The following CSMD1 variants were observed in gnomAD, a reference collection of about 807,000 sequenced individuals.
The protein encoded by CSMD1 is CUB and sushi domain-containing protein 1.
In CSMD1, 213 loss-of-function variants were observed where a neutral mutation model predicts 417.5. The ratio of observed to expected loss-of-function variants is 0.51; its 90% CI spans 0.46 to 0.57. The LOEUF is 0.57. Among genes scored for constraint, CSMD1 ranks in the 20% least tolerant of loss-of-function variants. The pLI is 0.00. For missense variants in CSMD1, 6,923 were observed against 4,529.7 expected (o/e 1.53, Z -15.17); for synonymous variants, 2,862 against 1,736.8 (o/e 1.65, Z -16.11).
chr8:4,850,301 C>T (rs908398335), intron 1 of CSMD1, among the ~76,000 whole-genome samples: 1 of 151,842 alleles, frequency 6.6e-6, no homozygotes, highest in African/African-American at 2.4e-5. Flanking sequence ...ACATTTTCTC[C>T]CATTCTACGG....
chr8:3,314,898 C>T (rs762293577), intron 23 of CSMD1, among the ~76,000 whole-genome samples: 4 of 152,336 alleles, frequency 2.6e-5, no homozygotes, highest in Non-Finnish European at 5.9e-5. Flanking sequence ...GAACAACGAG[C>T]TCACAGTAAT....
At chr8:4,648,431 C>A in intron 1 of CSMD1, among the ~76,000 whole-genome samples, 1 of 152,086 alleles carries the variant, frequency 6.6e-6, no homozygotes, top group East Asian at 1.9e-4. Flanking sequence ...GGGGCTCAGT[C>A]CACACCACAA....
At chr8:3,300,220 A>G (rs1486712624) in intron 25 of CSMD1, among the ~76,000 whole-genome samples, 3 of 151,514 alleles carry the variant, frequency 2.0e-5, no homozygotes, top group Admixed American at 6.7e-5. Context: ...AACATGGCGT[A>G]AAAAATAATT....
At chr8:3,256,494 T>C (rs982042461) in intron 26 of CSMD1, among the ~76,000 whole-genome samples, 1 of 152,214 alleles carries the variant, frequency 6.6e-6, no homozygotes, top group African/African-American at 2.4e-5. Flanking sequence ...ACTATATCTA[T>C]AGATATATAA....
intron 3 of CSMD1, among the ~76,000 whole-genome samples, chr8:4,353,911 T>C (rs1267044786): frequency 1.3e-5 from 2 of 152,170 alleles, no homozygotes; most frequent in Non-Finnish European, 2.9e-5. Context: ...GCAAGCTGTT[T>C]TTACACAATG....
chr8:3,891,956 G>A (rs532274222), intron 5 of CSMD1, among the ~76,000 whole-genome samples: 76 of 152,040 alleles, frequency 5.0e-4, no homozygotes, highest in African/African-American at 1.7e-3. Context: ...ATTTTCCAGC[G>A]TCCAAAAGCA....
At chr8:4,776,990 T>G (rs748837600) in intron 1 of CSMD1, among the ~76,000 whole-genome samples, 1 of 152,208 alleles carries the variant, frequency 6.6e-6, no homozygotes, top group African/African-American at 2.4e-5. Flanking sequence ...ATTTAGCGTA[T>G]TCTTGTAAAA....
chr8:4,570,824 G>C (rs1031324636), intron 2 of CSMD1, among the ~76,000 whole-genome samples: 1 of 152,160 alleles, frequency 6.6e-6, no homozygotes, highest in Non-Finnish European at 1.5e-5. Context: ...TTTGGAACTT[G>C]TTATTGGTCT....
At chr8:4,717,965 A>G (rs568019587) in intron 1 of CSMD1, among the ~76,000 whole-genome samples, 4 of 152,178 alleles carry the variant, frequency 2.6e-5, no homozygotes, top group African/African-American at 7.2e-5. Context: ...TATAAAATCT[A>G]TCAAACTTAT....
intron 25 of CSMD1, among the ~76,000 whole-genome samples, chr8:3,288,953 T>A (rs1281147428): frequency 6.8e-6 from 1 of 146,976 alleles, no homozygotes; most frequent in Non-Finnish European, 1.5e-5. Flanking sequence ...ATTAGGTATA[T>A]CTCCTAATGC....
In CSMD1 at chr8:4,865,290, C is replaced by A. The variant is rs553204391; in HGVS notation, c.85+129042G>T. On this transcript the variant is annotated intron_variant, in intron 1 of 69. Coordinates refer to ENST00000635120, the MANE Select transcript of CSMD1 (RefSeq NM_033225.6). ...CATCCTAAGAAAATACTACATACTG[C>A]TTCTGTTTTGAATAAAGAGAAAATC... 1.1e-3 allele frequency among the ~76,000 whole-genome samples: 174 copies of A among 151,886 alleles called. 2 individuals are homozygous for A. The highest frequency in any genetic ancestry group is 4.2e-3 in the African/African-American group (172 of 41,436).
chr8:3,050,399 A>G (rs138560581), intron 50 of CSMD1, among the ~76,000 whole-genome samples: 2 of 152,330 alleles, frequency 1.3e-5, no homozygotes, highest in African/African-American at 4.8e-5. Flanking sequence ...CAGGAAATAC[A>G]GACTTTAAAA....
intron 3 of CSMD1, among the ~76,000 whole-genome samples, chr8:4,245,319 G>C (rs779923739): frequency 2.6e-5 from 4 of 152,148 alleles, no homozygotes; most frequent in Admixed American, 6.5e-5. Context: ...GTATGTACTT[G>C]GGCTTGTGAG....
intron 1 of CSMD1, among the ~76,000 whole-genome samples, chr8:4,726,795 A>G (rs1393526448): frequency 6.6e-6 from 1 of 152,204 alleles, no homozygotes; most frequent in Non-Finnish European, 1.5e-5. Flanking sequence ...AAAAATTGCA[A>G]TAACACAACA....
intron 54 of CSMD1, among the ~76,000 whole-genome samples, chr8:2,979,709 G>T (rs763332954): frequency 1.3e-5 from 2 of 152,222 alleles, no homozygotes; most frequent in Admixed American, 6.5e-5. Flanking sequence ...AAAAAGGAAG[G>T]CAGAGGGCAG....
At chr8:3,557,105 T>C (rs1799190674) in intron 10 of CSMD1, among the ~76,000 whole-genome samples, 1 of 152,216 alleles carries the variant, frequency 6.6e-6, no homozygotes. Context: ...CCAAATCCAT[T>C]CCAAATATTA....
At chr8:4,230,938 C>T (rs201813485) in intron 3 of CSMD1, among the ~76,000 whole-genome samples, 9 of 151,974 alleles carry the variant, frequency 5.9e-5, no homozygotes, top group African/African-American at 1.9e-4. Flanking sequence ...CTGTTTTTTT[C>T]TACTTGGAAA....
intron 5 of CSMD1, among the ~76,000 whole-genome samples, chr8:3,926,597 T>C (rs936165946): frequency 2.6e-5 from 4 of 152,010 alleles, no homozygotes; most frequent in Non-Finnish European, 5.9e-5. Flanking sequence ...TGGTTAATTT[T>C]ATCAGTTGTT....
chr8:3,415,065 G>A (rs28608695), intron 12 of CSMD1, among the ~76,000 whole-genome samples: 1 of 151,992 alleles, frequency 6.6e-6, no homozygotes. Context: ...CTAAATTATT[G>A]TTCTTATTAA....
Sources: allele counts gnomAD v4.1 joint callset (sites outside exome capture counted in the v4.1 genomes callset), GRCh38; gene constraint gnomAD v4.1.1; transcripts MANE v1.5; gene names NCBI Gene and HGNC (gene_info 2026-07-23, HGNC 2026-07-21).